Variants in TECRL observed in about 807,000 individuals in gnomAD.
TECRL encodes the protein trans-2,3-enoyl-CoA reductase like.
In TECRL, 63 loss-of-function variants were observed where a neutral mutation model predicts 52.8. The ratio of observed to expected loss-of-function variants is 1.19; its 90% CI spans 0.97 to 1.47. The LOEUF (loss-of-function observed/expected upper bound fraction) is 1.47, where lower values mean the gene tolerates loss of function less well. TECRL is among the 40% of genes most tolerant of loss of function. The pLI is 0.00. For missense variants in TECRL, 482 were observed against 429.6 expected, an observed-to-expected ratio of 1.12 and a Z score of -1.08; for synonymous variants, 164 against 141.9, an observed-to-expected ratio of 1.16 and a Z score of -1.10.
chr4:64,344,018 G>A (rs1304384138), intron 2 of TECRL, among the ~76,000 whole-genome samples: 1 of 151,962 alleles, frequency 6.6e-6, no homozygotes, highest in Non-Finnish European at 1.5e-5. Flanking sequence ...CTCCCCCACA[G>A]TAATCTGTGT....
intron 3 of TECRL, among the ~76,000 whole-genome samples, chr4:64,325,985 C>G (rs533951387): frequency 6.6e-6 from 1 of 152,180 alleles, no homozygotes; most frequent in South Asian, 2.1e-4. Flanking sequence ...TATATAGGGC[C>G]AAGAGGACAG....
intron 10 of TECRL, 25 bp downstream of exon 10, chr4:64,281,449 G>C (rs768987270): frequency 1.5e-6 from 2 of 1,371,088 alleles, no homozygotes; most frequent in Non-Finnish European, 2.1e-6. Flanking sequence ...TAGGATTCAA[G>C]CATTTACATA....
chr4:64,353,675 T>G (rs1234377634), intron 2 of TECRL, among the ~76,000 whole-genome samples: 1 of 152,154 alleles, frequency 6.6e-6, no homozygotes, highest in Non-Finnish European at 1.5e-5. Flanking sequence ...GATATCGAGA[T>G]GCCATACTGA....
Position 64,280,097 on chromosome 4 carries a change from G to T in TECRL, c.1067C>A (p.Ser356Ter). The T allele has an allele frequency of 8.2e-6, 13 of 1,594,128 alleles. No individual in the cohort carries two copies. The highest frequency in any genetic ancestry group is 1.1e-5 in the Non-Finnish European group (13 of 1,173,074). ...TTACAATATGAATGGAATCATTGCTGATTTTCTATGAATATATGAATTGAA... is the reference window on the plus strand; with the variant it reads ...TTACAATATGAATGGAATCATTGCTTATTTTCTATGAATATATGAATTGAA... ...RKFNSYIHRK[S>*]AMIPFIL Residue 356 changes from serine to a stop codon, truncating the protein, a stop_gained, in exon 12 of 12, where the codon TCA becomes TAA. Coordinates refer to ENST00000381210, the MANE Select transcript of TECRL (RefSeq NM_001010874.5). LOFTEE classifies it high-confidence loss of function.
chr4:64,283,972 T>G (rs1335395527), intron 9 of TECRL, among the ~76,000 whole-genome samples: 1 of 152,022 alleles, frequency 6.6e-6, no homozygotes, highest in African/African-American at 2.4e-5. Context: ...ATAAACTACC[T>G]GAGGCTGTTC....
rs902235794 is a variant in TECRL at position 64,409,430 on chromosome 4, G to C, written c.-79C>G. ...GTTCCTTTTGCATCAGTTAAATACT[G>C]CTGGAGAACCTTTGAAAGGTCAAAT... On this transcript the variant is annotated 5_prime_UTR_variant, in exon 1 of 12. Transcript: ENST00000381210. The C allele has an allele frequency of 1.9e-6, 3 of 1,542,166 alleles. No individual in the cohort carries two copies. In the Admixed American group the frequency reaches 5.9e-5, roughly 30 times the overall value.
At chr4:64,301,058 G>T (rs559611492) in intron 7 of TECRL, among the ~76,000 whole-genome samples, 1 of 150,646 alleles carries the variant, frequency 6.6e-6, no homozygotes, top group Non-Finnish European at 1.5e-5. Flanking sequence ...TATATTCATA[G>T]AATATATATA....
downstream of TECRL, chr4:64,276,845 A>G (rs1722592158): frequency 2.7e-6 from 1 of 370,042 alleles, no homozygotes; most frequent in Non-Finnish European, 4.8e-6. Context: ...GTAAGTGTGC[A>G]CATTTACACA....
In TECRL at chr4:64,322,848, TAAAG is replaced by T. The variant is rs1175444182; in HGVS notation, c.332-60_332-57del. Reference sequence around the variant, plus strand: ...TTAATACAATTTCTTAGCATAACGATAAAGAATTTCTTAGTGTAAAATCAGTAAA... The same window carrying T: ...TTAATACAATTTCTTAGCATAACGATAATTTCTTAGTGTAAAATCAGTAAA... On this transcript the variant is annotated intron_variant, in intron 3 of 11. Coordinates refer to ENST00000381210, the MANE Select transcript of TECRL (RefSeq NM_001010874.5). 6 of 1,302,138 alleles carry T rather than the reference TAAAG, an allele frequency of 4.6e-6. No homozygotes were observed. In the African/African-American group the frequency reaches 9.0e-5, roughly 20 times the overall value. The allele number at this position is 1,302,138 out of a possible 1,614,324, so 80.7% of individuals were successfully genotyped here. A position where few individuals can be genotyped will look rare whatever the true frequency, so the allele number is the denominator to read the frequency against.
chr4:64,404,356 T>A (rs1475524316), intron 1 of TECRL, among the ~76,000 whole-genome samples: 2 of 152,050 alleles, frequency 1.3e-5, no homozygotes, highest in African/African-American at 4.8e-5. Context: ...AGTTCTTGCA[T>A]GCTCTTCAAT....
chr4:64,381,062 C>T (rs958005414), intron 1 of TECRL, among the ~76,000 whole-genome samples: 1 of 152,010 alleles, frequency 6.6e-6, no homozygotes, highest in Non-Finnish European at 1.5e-5. Context: ...TTTGTGTCCT[C>T]TTCAATTTCT....
chr4:64,312,921 G>A (rs928174664), intron 5 of TECRL, among the ~76,000 whole-genome samples: 4 of 152,018 alleles, frequency 2.6e-5, no homozygotes, highest in Non-Finnish European at 5.9e-5. Flanking sequence ...TATCCCAGCC[G>A]CTTTTAAAAA....
In TECRL at chr4:64,353,867, A is replaced by C. The variant is rs370891623; in HGVS notation, c.286+21305T>G. On this transcript the variant is annotated intron_variant, in intron 2 of 11. Transcript: ENST00000381210. The stretch of plus-strand genomic sequence containing the variant: ...AATCTAGGCAATCCCAACATATAAG[A>C]GACCAAAAAACGATAAAAAGCCCTC... Among the ~76,000 whole-genome samples, 7 of 152,278 alleles carry C rather than the reference A, an allele frequency of 4.6e-5. No homozygotes were observed. The East Asian group carries it at 9.7e-4, about 21-fold the overall frequency.
intron 2 of TECRL, among the ~76,000 whole-genome samples, chr4:64,369,961 T>A (rs1000392461): frequency 3.3e-5 from 5 of 151,528 alleles, no homozygotes; most frequent in African/African-American, 4.8e-5. Context: ...ATAGAAAAAA[T>A]GAGAGTACAG....
chr4:64,302,501 A>T (rs990544413), intron 7 of TECRL, among the ~76,000 whole-genome samples: 27 of 151,654 alleles, frequency 1.8e-4, no homozygotes, highest in Admixed American at 7.2e-4. Context: ...AGACTTAATT[A>T]TGTATGTTGA....
chr4:64,337,438 A>G (rs566797675), intron 2 of TECRL, among the ~76,000 whole-genome samples: 1 of 152,312 alleles, frequency 6.6e-6, no homozygotes, highest in African/African-American at 2.4e-5. Context: ...GCAATTAGGC[A>G]GGAGAAAGAA....
At chr4:64,287,172 G>A (rs1443990327) in intron 9 of TECRL, among the ~76,000 whole-genome samples, 1 of 151,960 alleles carries the variant, frequency 6.6e-6, no homozygotes, top group Non-Finnish European at 1.5e-5. Flanking sequence ...CCAAGATAAA[G>A]CACAGATATT....
At chr4:64,345,922 A>AAAAAAAAAAAAAAAAAAAAC (rs1719937539) in intron 2 of TECRL, among the ~76,000 whole-genome samples, 1 of 145,580 alleles carries the variant, frequency 6.9e-6, no homozygotes, top group Admixed American at 6.9e-5. Context: ...AAAAAAAAAA[A>AAAAAAAAAAAAAAAAAAAAC]AAAAAAAAAC....
At chr4:64,369,379 G>T (rs1721833426) in intron 2 of TECRL, among the ~76,000 whole-genome samples, 1 of 151,818 alleles carries the variant, frequency 6.6e-6, no homozygotes, top group African/African-American at 2.4e-5. Flanking sequence ...CCTTAGACAG[G>T]GATTTCAGTT....
Sources: allele counts gnomAD v4.1 joint callset (sites outside exome capture counted in the v4.1 genomes callset), GRCh38; gene constraint gnomAD v4.1.1; transcripts MANE v1.5; gene names NCBI Gene and HGNC (gene_info 2026-07-23, HGNC 2026-07-21).